Variants in H6PD observed in about 807,000 individuals in gnomAD.
The protein encoded by H6PD is GDH/6PGL endoplasmic bifunctional protein.
Under a neutral mutation model 61.2 loss-of-function variants are expected in H6PD, and 48 were observed. The observed-to-expected ratio is 0.78, with a 90% CI of 0.62 to 1.00. The LOEUF (loss-of-function observed/expected upper bound fraction) is 1.00, where lower values mean the gene tolerates loss of function less well. H6PD is among the 50% of genes least tolerant of loss of function. The pLI, the probability that H6PD is intolerant of heterozygous loss-of-function variation, is 0.00. For synonymous variants in H6PD, 480 were observed against 457.9 expected (o/e 1.05, Z -0.62); for missense variants, 1,093 against 1,065.0 (o/e 1.03, Z -0.37).
Position 9,247,065 on chromosome 1 carries a change from G to T in H6PD, c.727G>T (p.Glu243Ter). 1.2e-6 allele frequency: 2 copies of T among 1,611,394 alleles called. No individual in the cohort carries two copies. Among genetic ancestry groups the T allele is most frequent in the Non-Finnish European group, 1.7e-6 (2 of 1,177,460 alleles). Reference protein sequence around the residue: ...HVERVEIIMKETVDAEGRTSF... With the variant: ...HVERVEIIMK ...GGAGCGGGTGGAGATCATCATGAAAGAGACCGTGGATGCTGAAGGTGTGTG... is the reference window on the plus strand; with the variant it reads ...GGAGCGGGTGGAGATCATCATGAAATAGACCGTGGATGCTGAAGGTGTGTG... The change falls in exon 3 of 5, where the codon GAG becomes TAG. Residue 243 changes from glutamate (E) to a stop codon, truncating the protein, a stop_gained. Transcript: ENST00000377403. LOFTEE classifies it high-confidence loss of function.
At chr1:9,246,942 C>A (rs145419146) in intron 2 of H6PD, 24 bp from the exon 3 acceptor site, 2 of 1,511,772 alleles carry the variant, frequency 1.3e-6, no homozygotes, top group East Asian at 2.3e-5. Flanking sequence ...TCCTGCAGCA[C>A]GCCCAGTCTT....
intron 1 of H6PD, among the ~76,000 whole-genome samples, chr1:9,240,643 A>G (rs1462031385): frequency 1.3e-5 from 2 of 152,182 alleles, no homozygotes; most frequent in Admixed American, 6.5e-5. Context: ...CAGCTGCTCA[A>G]ACTTTTCACT....
chr1:9,241,294 C>T (rs1464441276), intron 1 of H6PD, among the ~76,000 whole-genome samples: 1 of 132,936 alleles, frequency 7.5e-6, no homozygotes, highest in Admixed American at 8.2e-5. Flanking sequence ...GGTATTTGCC[C>T]TGTTTTGTAG....
At position 9,264,268 on chromosome 1, in the gene H6PD, G is replaced by C. The variant is rs751449332; in HGVS notation, c.1775G>C (p.Gly592Ala). Residue 592 changes from glycine (G) to alanine (A), a missense_variant, in exon 5 of 5, where the codon GGC (glycine) becomes GCC (alanine). Gly to Ala is a moderately conservative substitution (Grantham distance 60). Transcript: ENST00000377403. ...CAGTTCCACCTGGCACTGTCGGGGGGCTCGAGCCCCGTGGCCCTGTTCCAG... is the reference window on the plus strand; with the variant it reads ...CAGTTCCACCTGGCACTGTCGGGGGCCTCGAGCCCCGTGGCCCTGTTCCAG... The part of the protein sequence containing the change: ...FGQFHLALSG[G>A]SSPVALFQQL... 6.8e-6 allele frequency: 11 copies of C among 1,609,622 alleles called. No homozygotes were observed. The highest frequency in any genetic ancestry group is 1.6e-4 in the Middle Eastern group (1 of 6,078).
intron 3 of H6PD, among the ~76,000 whole-genome samples, chr1:9,256,995 G>A (rs1043523015): frequency 3.3e-5 from 5 of 152,036 alleles, no homozygotes; most frequent in African/African-American, 9.7e-5. Context: ...TGGGAGAATC[G>A]CCTCAGCTCT....
intron 1 of H6PD, among the ~76,000 whole-genome samples, chr1:9,239,438 G>A (rs944387695): frequency 1.3e-5 from 2 of 152,194 alleles, no homozygotes; most frequent in South Asian, 4.1e-4. Flanking sequence ...AGTGAATGCA[G>A]ATCAGAGGTC....
At chr1:9,257,541 T>C (rs138295429) in intron 3 of H6PD, among the ~76,000 whole-genome samples, 69 of 152,314 alleles carry the variant, frequency 4.5e-4, no homozygotes, top group African/African-American at 1.7e-3. Flanking sequence ...TGGATCTTCA[T>C]TTTCTCTGCT....
At position 9,264,749 on chromosome 1, in the gene H6PD, T is replaced by C; in HGVS notation, c.2256T>C (p.Arg752=). The C allele has an allele frequency of 6.2e-7, 1 of 1,607,342 alleles. No homozygotes were observed. The highest frequency in any genetic ancestry group is 8.5e-7 in the Non-Finnish European group (1 of 1,174,884). The part of the protein sequence containing the change: ...VAVLVMGRMK[R]EITTLVSRVG... ...TCCTGGTCATGGGCAGGATGAAGCG[T>C]GAGATCACCACGCTGGTGAGCCGGG... Residue 752 remains arginine (R), a synonymous_variant, in exon 5 of 5, where the codon CGT becomes CGC. Coordinates refer to ENST00000377403, the MANE Select transcript of H6PD (RefSeq NM_004285.4).
chr1:9,251,157 G>T (rs552662195), intron 3 of H6PD, among the ~76,000 whole-genome samples: 153 of 152,306 alleles, frequency 1.0e-3, no homozygotes, highest in African/African-American at 3.5e-3. Flanking sequence ...TCCCAGAGAT[G>T]ACCCTGGCTG....
chr1:9,251,103 G>A (rs1005667650), intron 3 of H6PD, among the ~76,000 whole-genome samples: 1 of 152,180 alleles, frequency 6.6e-6, no homozygotes, highest in Non-Finnish European at 1.5e-5. Context: ...CTGGGGTCTC[G>A]AAGCAGCATG....
chr1:9,263,174 C>T (rs1042408046), intron 4 of H6PD, among the ~76,000 whole-genome samples: 6 of 152,296 alleles, frequency 3.9e-5, no homozygotes, highest in Admixed American at 6.5e-5. Context: ...TCAGGGTCCC[C>T]CACCCCACTT....
chr1:9,250,120 C>T (rs959304731), intron 3 of H6PD, among the ~76,000 whole-genome samples: 1 of 151,912 alleles, frequency 6.6e-6, no homozygotes, highest in African/African-American at 2.4e-5. Flanking sequence ...CGCAGACCTG[C>T]AGCACACCCC....
intron 3 of H6PD, among the ~76,000 whole-genome samples, chr1:9,259,561 G>A (rs1025856681): frequency 6.6e-6 from 1 of 152,148 alleles, no homozygotes; most frequent in Non-Finnish European, 1.5e-5. Flanking sequence ...TTATGTTGCT[G>A]TTATTCCAGT....
At chr1:9,252,777 G>C (rs540537868) in intron 3 of H6PD, among the ~76,000 whole-genome samples, 4 of 152,188 alleles carry the variant, frequency 2.6e-5, no homozygotes, top group Admixed American at 2.6e-4. Flanking sequence ...GTTACTCTCT[G>C]TTATGAGTCT....
In H6PD at chr1:9,252,511, C is replaced by T. The variant is rs138163186; in HGVS notation, c.745+5428C>T. Among the ~76,000 whole-genome samples the T allele has an allele frequency of 1.8e-3, 275 of 152,268 alleles. 2 individuals are homozygous for T. The highest frequency in any genetic ancestry group is 6.2e-3 in the African/African-American group (258 of 41,530). On this transcript the variant is annotated intron_variant, in intron 3 of 4. Coordinates refer to ENST00000377403, the MANE Select transcript of H6PD (RefSeq NM_004285.4). ...TTAACCTCCCAAATAGCTGAGACTA[C>T]AGGAGTGCCCCACCTCCCCGGCTTC... is the stretch of plus-strand genomic sequence containing the variant.
At position 9,263,619 on chromosome 1, in the gene H6PD, C is replaced by G; in HGVS notation, c.1126C>G (p.Gln376Glu). ...VGYARILFKN[Q>E]ACCVQSEKHW... is the part of the protein sequence containing the mutation. ...CTACGCTCGGATCTTGTTCAAGAAC[C>G]AGGCCTGCTGTGTGCAGAGCGAAAA... is the stretch of plus-strand genomic sequence containing the variant. The change falls in exon 5 of 5, where the codon CAG becomes GAG. Residue 376 changes from glutamine to glutamate, a missense_variant. Physicochemically the swap from Gln to Glu is conservative, Grantham distance 29. Transcript: ENST00000377403. 3 of 1,614,232 alleles carry G rather than the reference C, an allele frequency of 1.9e-6. No homozygotes were observed. In the South Asian group the frequency reaches 3.3e-5, roughly 18 times the overall value.
rs114695808 is a variant in H6PD, at chr1:9,243,734, A to C, written c.-10-1191A>C. ...GTGAGTGCCTCAGTTTAGGCTGAACACTAGCCCAGGTGGTTTGCTTACCTG... is the reference window on the plus strand; with the variant it reads ...GTGAGTGCCTCAGTTTAGGCTGAACCCTAGCCCAGGTGGTTTGCTTACCTG... On this transcript the variant is annotated intron_variant, in intron 1 of 4. Coordinates refer to ENST00000377403, the MANE Select transcript of H6PD (RefSeq NM_004285.4). Among the ~76,000 whole-genome samples, 662 of 151,916 alleles carry C rather than the reference A, an allele frequency of 4.4e-3. 5 individuals are homozygous for C. The highest frequency in any genetic ancestry group is 0.015 in the African/African-American group (639 of 41,374).
At position 9,265,014 on chromosome 1, in the gene H6PD, A is replaced by C. The variant is rs1269774286; in HGVS notation, c.*145A>C. On this transcript the variant is annotated 3_prime_UTR_variant, in exon 5 of 5. Coordinates refer to ENST00000377403, the MANE Select transcript of H6PD (RefSeq NM_004285.4). The stretch of plus-strand genomic sequence containing the variant: ...AGTCAGGCCCCAGAGAGGGCAGGAC[A>C]AGCCTTGTCCCGATGCCTTTGACCG... 1.2e-6 allele frequency: 1 copy of C among 855,158 alleles called. No individual in the cohort carries two copies. The highest frequency in any genetic ancestry group is 1.9e-6 in the Non-Finnish European group (1 of 527,062). 53.0% of individuals were successfully genotyped at this position (855,158 alleles called of 1,614,324 possible).
chr1:9,239,577 T>G (rs1003963663), intron 1 of H6PD, among the ~76,000 whole-genome samples: 1 of 152,242 alleles, frequency 6.6e-6, no homozygotes, highest in African/African-American at 2.4e-5. Context: ...GTAAAAAGAC[T>G]AGGCACATCA....
Sources: gnomAD v4.1 joint callset for allele counts (sites outside exome capture counted in the v4.1 genomes callset) on GRCh38, gnomAD v4.1.1 for gene constraint, MANE v1.5 for transcripts, NCBI Gene and HGNC (gene_info 2026-07-23, HGNC 2026-07-21) for gene names.